The following ITFG1 variants were observed in gnomAD, a reference collection of about 807,000 sequenced individuals.
ITFG1 encodes integrin alpha FG-GAP repeat containing 1.
In ITFG1, 34 loss-of-function variants were observed where a neutral mutation model predicts 81.8. The observed-to-expected ratio is 0.42, with a 90% confidence interval of 0.32 to 0.55. ITFG1 has a LOEUF of 0.55. Among genes scored for constraint, ITFG1 ranks in the 20% least tolerant of loss-of-function variants. The probability of loss-of-function intolerance (pLI) is 0.17; values close to 1 mark genes in which losing one functional copy is unlikely to be tolerated. For synonymous variants in ITFG1, 285 were observed against 270.6 expected (o/e 1.05, Z -0.52); for missense variants, 672 against 755.4 (o/e 0.89, Z 1.29).
chr16:47,461,177 T>A, upstream of ITFG1: 1 of 1,018,116 alleles, frequency 9.8e-7, no homozygotes, highest in South Asian at 1.7e-5. Flanking sequence ...CCTTTTTCTC[T>A]CTCCCACTAG....
intron 8 of ITFG1, among the ~76,000 whole-genome samples, chr16:47,330,933 A>C (rs1967628824): frequency 6.6e-6 from 1 of 152,180 alleles, no homozygotes; most frequent in Non-Finnish European, 1.5e-5. Flanking sequence ...AAAGAACTTA[A>C]AAGAGAACTA....
chr16:47,380,854 C>A (rs1968387618), intron 6 of ITFG1, among the ~76,000 whole-genome samples: 2 of 152,126 alleles, frequency 1.3e-5, no homozygotes, highest in South Asian at 4.1e-4. Flanking sequence ...TACTCCATAA[C>A]AAAAGATCAC....
At chr16:47,433,769 G>A (rs1342623886) in intron 5 of ITFG1, among the ~76,000 whole-genome samples, 1 of 109,894 alleles carries the variant, frequency 9.1e-6, no homozygotes, top group East Asian at 2.3e-4. Flanking sequence ...AATAAAAACT[G>A]AATATATATA....
intron 10 of ITFG1, among the ~76,000 whole-genome samples, chr16:47,272,188 A>C (rs1224129899): frequency 6.6e-6 from 1 of 152,208 alleles, no homozygotes; most frequent in Non-Finnish European, 1.5e-5. Flanking sequence ...CTGCATATAC[A>C]AGATGTTCAG....
chr16:47,365,802 G>T lies in ITFG1; in HGVS notation c.788C>A (p.Ala263Glu). ...CCAAATCTTACCAAAGTCTGCAAATGCTGACTGTCCAACCACCATCATATT... is the reference window on the plus strand; with the variant it reads ...CCAAATCTTACCAAAGTCTGCAAATTCTGACTGTCCAACCACCATCATATT... ...PQNMMVVGQS[A>E]FADFDGDGHM... Residue 263 changes from alanine to glutamate, a missense_variant, in exon 8 of 18, where the codon GCA (alanine) becomes GAA (glutamate). By Grantham distance (107) the Ala-to-Glu change is moderately radical (BLOSUM62 -1). Around this residue, in one of 3 missense-constraint regions of ITFG1, gnomAD observed 560 missense variants for 625.7 expected, o/e 0.90. Coordinates refer to ENST00000320640, the MANE Select transcript of ITFG1 (RefSeq NM_030790.5). 1 of 1,573,488 alleles carries T rather than the reference G, an allele frequency of 6.4e-7. No individual in the cohort carries two copies.
chr16:47,203,854 G>A (rs1965458964), intron 14 of ITFG1, among the ~76,000 whole-genome samples: 1 of 152,172 alleles, frequency 6.6e-6, no homozygotes, highest in South Asian at 2.1e-4. Flanking sequence ...AGGTAGAATG[G>A]TACATGCCAT....
At chr16:47,409,408 T>A (rs868348975) in intron 6 of ITFG1, among the ~76,000 whole-genome samples, 342 of 30,158 alleles carry the variant, frequency 0.011, 1 homozygote, top group East Asian at 0.036. Flanking sequence ...ATATATATTT[T>A]TTTTTTTTTT....
At chr16:47,446,867 C>T (rs1162845870) in intron 5 of ITFG1, among the ~76,000 whole-genome samples, 10 of 143,278 alleles carry the variant, frequency 7.0e-5, no homozygotes, top group African/African-American at 2.0e-4. Context: ...CTGGTTTTTT[C>T]TTTTTTTTTT....
intron 6 of ITFG1, among the ~76,000 whole-genome samples, chr16:47,423,596 C>T (rs1369647188): frequency 6.6e-6 from 1 of 152,098 alleles, no homozygotes; most frequent in African/African-American, 2.4e-5. Flanking sequence ...ATGTTTAGTG[C>T]TTCCTTTAGG....
intron 10 of ITFG1, chr16:47,299,412 C>G (rs1381393142): frequency 6.7e-6 from 1 of 150,028 alleles, no homozygotes; most frequent in African/African-American, 2.4e-5. Flanking sequence ...CAGTCCTGTA[C>G]TTTGCTTCCA....
intron 10 of ITFG1, among the ~76,000 whole-genome samples, chr16:47,261,760 G>A (rs534325101): frequency 6.6e-6 from 1 of 152,244 alleles, no homozygotes; most frequent in African/African-American, 2.4e-5. Flanking sequence ...CAACCTCTCT[G>A]CCTCCTGGGC....
At chr16:47,421,096 A>C (rs562014358) in intron 6 of ITFG1, among the ~76,000 whole-genome samples, 9 of 152,186 alleles carry the variant, frequency 5.9e-5, no homozygotes, top group African/African-American at 2.2e-4. Flanking sequence ...TTTTCACGGA[A>C]TATCTCTTTT....
intron 12 of ITFG1, among the ~76,000 whole-genome samples, chr16:47,242,934 C>A (rs147136725): frequency 6.6e-6 from 1 of 151,912 alleles, no homozygotes; most frequent in Non-Finnish European, 1.5e-5. Flanking sequence ...TGCATGGGTA[C>A]GTTTACTGTG....
At chr16:47,360,729 T>C (rs533974587) in intron 8 of ITFG1, among the ~76,000 whole-genome samples, 46 of 152,260 alleles carry the variant, frequency 3.0e-4, no homozygotes, top group South Asian at 6.2e-4. Flanking sequence ...ACTTTCCAGA[T>C]CAAACATGAA....
At chr16:47,358,837 T>C (rs1968073316) in intron 8 of ITFG1, among the ~76,000 whole-genome samples, 3 of 152,160 alleles carry the variant, frequency 2.0e-5, no homozygotes. Flanking sequence ...TTGAGAGATA[T>C]AATGGTGGAC....
chr16:47,304,286 G>C (rs1412439838), intron 10 of ITFG1, among the ~76,000 whole-genome samples: 1 of 152,080 alleles, frequency 6.6e-6, no homozygotes, highest in African/African-American at 2.4e-5. Context: ...AAAGGGAAAG[G>C]AATGGTATTT....
At chr16:47,189,664 T>C (rs1965268925) in intron 14 of ITFG1, among the ~76,000 whole-genome samples, 1 of 152,242 alleles carries the variant, frequency 6.6e-6, no homozygotes, top group Admixed American at 6.5e-5. Flanking sequence ...GCTATGGACA[T>C]TCATGTACAA....
intron 14 of ITFG1, among the ~76,000 whole-genome samples, chr16:47,191,213 G>T: frequency 6.6e-6 from 1 of 152,072 alleles, no homozygotes. Context: ...AGTTTCAGTT[G>T]ACATATCTTC....
At chr16:47,451,342 A>G (rs879599946) in intron 5 of ITFG1, 54 bp downstream of exon 5, 2 of 971,430 alleles carry the variant, frequency 2.1e-6, no homozygotes, top group Non-Finnish European at 3.2e-6. Flanking sequence ...TCCAATGGTT[A>G]AAGTAGAAGC....
Sources: allele counts gnomAD v4.1 joint callset (sites outside exome capture counted in the v4.1 genomes callset), GRCh38; gene constraint gnomAD v4.1.1; regional missense constraint gnomAD v4.1.1; transcripts MANE v1.5; gene names NCBI Gene and HGNC (gene_info 2026-07-23, HGNC 2026-07-21).